The following DAB1 variants were observed in gnomAD, a reference collection of about 807,000 sequenced individuals.
DAB1 encodes the protein disabled homolog 1.
Under a neutral mutation model 64.6 loss-of-function variants are expected in DAB1, and 15 were observed. That is an observed-to-expected ratio of 0.23 (90% CI 0.16 to 0.36). The LOEUF (loss-of-function observed/expected upper bound fraction) is 0.36, where lower values mean the gene tolerates loss of function less well. DAB1 is among the 10% of genes least tolerant of loss of function. DAB1 has a pLI of 1.00. For synonymous variants in DAB1, 235 were observed against 251.9 expected, an observed-to-expected ratio of 0.93 and a Z score of 0.64; for missense variants, 596 against 706.7, an observed-to-expected ratio of 0.84 and a Z score of 1.78.
At chr1:58,386,347 T>A (rs1459883169) in intron 3 of DAB1, among the ~76,000 whole-genome samples, 2 of 152,186 alleles carry the variant, frequency 1.3e-5, no homozygotes, top group Non-Finnish European at 2.9e-5. Context: ...AATGGTAAGT[T>A]GGAGAAAAGG....
chr1:57,165,096 T>G (rs1661101425), intron 2 of DAB1, among the ~76,000 whole-genome samples: 1 of 152,178 alleles, frequency 6.6e-6, no homozygotes, highest in Non-Finnish European at 1.5e-5. Context: ...GGTTGGATGA[T>G]CTTTCCCCTT....
chr1:57,766,050 G>A lies in DAB1; in HGVS notation n.552-116385C>T, dbSNP rs939281566. On this transcript the variant is annotated intron_variant and non_coding_transcript_variant, in intron 6 of 20. Transcript: ENST00000485760. ...CTTCTCTACCAAGGTTCACTCCTTC[G>A]GTGATCTCAGCCACTTTTATGGCTT... is the stretch of plus-strand genomic sequence containing the variant. Among the ~76,000 whole-genome samples, 8 of 151,854 alleles carry A rather than the reference G, an allele frequency of 5.3e-5. No individual in the cohort carries two copies. In the South Asian group the frequency reaches 6.2e-4, roughly 12 times the overall value.
intron 5 of DAB1, among the ~76,000 whole-genome samples, chr1:57,931,390 T>C (rs1484879458): frequency 6.6e-6 from 1 of 152,196 alleles, no homozygotes; most frequent in Non-Finnish European, 1.5e-5. Context: ...GGGAAATATA[T>C]CCTCTGGTTC....
chr1:57,331,987 G>A (rs1023541763), intron 1 of DAB1, among the ~76,000 whole-genome samples: 5 of 152,082 alleles, frequency 3.3e-5, no homozygotes, highest in Admixed American at 6.5e-5. Context: ...TTTTAAAGAC[G>A]GAGTCTTGCT....
chr1:58,086,369 A>C (rs1479180318), intron 5 of DAB1, among the ~76,000 whole-genome samples: 1 of 152,114 alleles, frequency 6.6e-6, no homozygotes, highest in Non-Finnish European at 1.5e-5. Flanking sequence ...TTTAAAGAGT[A>C]TTTCTTGATT....
chr1:58,482,497 G>C (rs1473886361), intron 3 of DAB1, among the ~76,000 whole-genome samples: 1 of 151,844 alleles, frequency 6.6e-6, no homozygotes, highest in East Asian at 1.9e-4. Context: ...TTAATATTTA[G>C]GAGTTTTAAA....
intron 1 of DAB1, among the ~76,000 whole-genome samples, chr1:57,352,818 A>G (rs769036730): frequency 1.2e-4 from 18 of 152,110 alleles, no homozygotes; most frequent in Non-Finnish European, 1.8e-4. Context: ...AAAGTTGATT[A>G]CCCTCAATCA....
chr1:58,152,548 A>G (rs1655002063), intron 4 of DAB1, among the ~76,000 whole-genome samples: 1 of 152,218 alleles, frequency 6.6e-6, no homozygotes, highest in East Asian at 1.9e-4. Flanking sequence ...TCTGCCTCTC[A>G]GTCTTCTCTG....
chr1:58,031,467 T>A (rs1646968982), intron 5 of DAB1, among the ~76,000 whole-genome samples: 1 of 152,134 alleles, frequency 6.6e-6, no homozygotes, highest in African/African-American at 2.4e-5. Context: ...ATAAGAATCT[T>A]CAGTGAACAG....
chr1:57,909,986 A>G (rs1001707112), intron 5 of DAB1, among the ~76,000 whole-genome samples: 11 of 152,150 alleles, frequency 7.2e-5, no homozygotes, highest in African/African-American at 2.7e-4. Context: ...TTTTTTCCAG[A>G]TGAGTGAAGT....
chr1:58,046,280 A>G (rs1647252479), intron 5 of DAB1, among the ~76,000 whole-genome samples: 1 of 152,224 alleles, frequency 6.6e-6, no homozygotes, highest in Admixed American at 6.5e-5. Context: ...GTGTATATCA[A>G]ATATCCAATT....
At chr1:58,379,010 G>C (rs1453942598) in intron 3 of DAB1, among the ~76,000 whole-genome samples, 1 of 150,162 alleles carries the variant, frequency 6.7e-6, no homozygotes, top group East Asian at 2.0e-4. Context: ...CGCTTCCCAG[G>C]TGAGGCAATG....
intron 5 of DAB1, among the ~76,000 whole-genome samples, chr1:58,099,879 T>A (rs1651208586): frequency 6.6e-6 from 1 of 152,218 alleles, no homozygotes; most frequent in Non-Finnish European, 1.5e-5. Flanking sequence ...TGGTCTGTCT[T>A]ATCATGCTGC....
chr1:58,050,217 C>T (rs970232544), intron 5 of DAB1, among the ~76,000 whole-genome samples: 2 of 152,114 alleles, frequency 1.3e-5, no homozygotes, highest in Non-Finnish European at 1.5e-5. Flanking sequence ...TGAAATTTAT[C>T]GGGCCAGTTA....
chr1:57,119,209 A>C (rs1269109886), intron 4 of DAB1, among the ~76,000 whole-genome samples: 2 of 152,212 alleles, frequency 1.3e-5, no homozygotes, highest in Non-Finnish European at 2.9e-5. Flanking sequence ...TAATCTAAAC[A>C]ATGCAAGATT....
intron 1 of DAB1, among the ~76,000 whole-genome samples, chr1:57,844,530 G>A (rs1015404887): frequency 3.3e-5 from 5 of 152,130 alleles, no homozygotes; most frequent in Non-Finnish European, 7.4e-5. Flanking sequence ...GCAGGAAGAC[G>A]TCTGCCAGAG....
At chr1:57,680,525 C>T (rs773931153) in intron 6 of DAB1, among the ~76,000 whole-genome samples, 1 of 152,184 alleles carries the variant, frequency 6.6e-6, no homozygotes, top group Non-Finnish European at 1.5e-5. Context: ...CCCTTATCTT[C>T]AAAGCTAGTG....
chr1:58,170,510 C>A (rs928455624), intron 4 of DAB1, among the ~76,000 whole-genome samples: 2 of 151,996 alleles, frequency 1.3e-5, no homozygotes, highest in African/African-American at 4.8e-5. Context: ...AACCTGGCAA[C>A]GTTGGTTTTA....
chr1:58,016,068 C>G (rs1302998360), intron 5 of DAB1, among the ~76,000 whole-genome samples: 1 of 152,080 alleles, frequency 6.6e-6, no homozygotes, highest in Non-Finnish European at 1.5e-5. Flanking sequence ...AGCTGGGTCC[C>G]CATCACGTTT....
Sources: allele counts gnomAD v4.1 joint callset (sites outside exome capture counted in the v4.1 genomes callset), GRCh38; gene constraint gnomAD v4.1.1; transcripts MANE v1.5; gene names NCBI Gene and HGNC (gene_info 2026-07-23, HGNC 2026-07-21).